BCR: variants seen among roughly 807,000 people sequenced by gnomAD.
The protein encoded by BCR is BCR activator of RhoGEF and GTPase.
Under a neutral mutation model 138.6 loss-of-function variants are expected in BCR, and 58 were observed. That is an observed-to-expected ratio of 0.42 (90% CI 0.34 to 0.52). The LOEUF (loss-of-function observed/expected upper bound fraction) is 0.52. Ranked by LOEUF, BCR falls within the 20% of genes least tolerant of loss-of-function variation. BCR has a pLI of 0.06. For missense variants in BCR, 1,599 were observed against 1,727.2 expected (o/e 0.93, Z 1.32); for synonymous variants, 786 against 730.1 (o/e 1.08, Z -1.23).
chr22:23,203,941 T>A (rs929483723), intron 1 of BCR, among the ~76,000 whole-genome samples: 1 of 152,200 alleles, frequency 6.6e-6, no homozygotes, highest in Non-Finnish European at 1.5e-5. Context: ...CTTGCATGGC[T>A]GCACTTGGCT....
intron 1 of BCR, among the ~76,000 whole-genome samples, chr22:23,220,257 T>C (rs112020516): frequency 0.036 from 5,520 of 152,280 alleles, 340 homozygotes; most frequent in African/African-American, 0.12. Flanking sequence ...TACACTGAAG[T>C]TTCACCTACC....
At chr22:23,182,285 G>A (rs930105176) in intron 1 of BCR, 46 bp downstream of exon 1, 1 of 1,483,028 alleles carries the variant, frequency 6.7e-7, no homozygotes, top group Non-Finnish European at 9.0e-7. Context: ...CACGGGGGAG[G>A]AAAACCATAG....
intron 16 of BCR, among the ~76,000 whole-genome samples, chr22:23,304,184 C>T (rs1232846648): frequency 7.4e-5 from 11 of 149,330 alleles, no homozygotes; most frequent in African/African-American, 2.7e-4. Context: ...AAGTGATCCT[C>T]CTGCCTTGGC....
At chr22:23,191,354 G>A (rs572699865) in intron 1 of BCR, among the ~76,000 whole-genome samples, 1 of 152,298 alleles carries the variant, frequency 6.6e-6, no homozygotes, top group East Asian at 1.9e-4. Flanking sequence ...GGTATTTATT[G>A]AGCATCTACT....
At chr22:23,262,925 A>T in intron 4 of BCR, 1 of 1,097,956 alleles carries the variant, frequency 9.1e-7, no homozygotes, top group African/African-American at 1.7e-5. Context: ...CAAGAGAGGA[A>T]GCAGAGGGAG....
chr22:23,226,325 A>AGT (rs1262546204), intron 1 of BCR, among the ~76,000 whole-genome samples: 17 of 50,362 alleles, frequency 3.4e-4, no homozygotes, highest in Admixed American at 1.0e-3. Flanking sequence ...AGAGAGAGAG[A>AGT]GAGTGTGTGT....
Position 23,181,077 on chromosome 22 carries a change from G to T in BCR, c.117G>T (p.Lys39Asn). 6.6e-7 allele frequency: 1 copy of T among 1,520,072 alleles called. No individual in the cohort carries two copies. The highest frequency in any genetic ancestry group is 8.9e-7 in the Non-Finnish European group (1 of 1,128,448). 94.2% of individuals were successfully genotyped at this position (1,520,072 alleles called of 1,614,324 possible). A position where few individuals can be genotyped will look rare whatever the true frequency, so the allele number is the denominator to read the frequency against. Residue 39 changes from lysine (K) to asparagine (N), a missense_variant, in exon 1 of 23, where the codon AAG (lysine) becomes AAT (asparagine). Lys to Asn is a moderately conservative substitution (Grantham distance 94). Around this residue, in one of 4 missense-constraint regions of BCR, gnomAD observed 806 missense variants for 635.0 expected, o/e 1.27. Coordinates refer to ENST00000305877, the MANE Select transcript of BCR (RefSeq NM_004327.4). The stretch of plus-strand genomic sequence containing the variant: ...TCGAGCAGGAGCTGGAGCGCTGCAA[G>T]GCCTCCATTCGGCGCCTGGAGCAGG... ...GDIEQELERCKASIRRLEQEV... is the reference protein window; with the variant it reads ...GDIEQELERCNASIRRLEQEV...
chr22:23,187,634 T>G (rs1232936214), intron 1 of BCR, among the ~76,000 whole-genome samples: 1 of 151,916 alleles, frequency 6.6e-6, no homozygotes, highest in Non-Finnish European at 1.5e-5. Flanking sequence ...ACACCCAGCC[T>G]CCTCCTTTTT....
rs2146190727 is a variant in BCR at position 23,182,389 on chromosome 22, G to T, written c.1279+150G>T. 4.3e-6 allele frequency: 4 copies of T among 933,432 alleles called. No homozygotes were observed. In the East Asian group the frequency reaches 1.1e-4, roughly 25 times the overall value. 57.8% of individuals were successfully genotyped at this position (933,432 alleles called of 1,614,324 possible). ...TGTGGTTCACGCGGATCCTGCACCC[G>T]AACAAACTCCATCCCCTCCTCCTTC... On this transcript the variant is annotated intron_variant, in intron 1 of 22. Coordinates refer to ENST00000305877, the MANE Select transcript of BCR (RefSeq NM_004327.4).
chr22:23,310,402 G>T lies in BCR; in HGVS notation c.3151G>T (p.Val1051Phe). The change falls in exon 18 of 23, where the codon GTC becomes TTC. Residue 1051 changes from valine to phenylalanine, a missense_variant. This residue lies in a region of BCR where 26 missense variants were observed against 103.5 expected (regional missense o/e 0.25). Transcript: ENST00000305877. ...KRMPSRKQTG[V>F]FGVKIAVVTK... is the part of the protein sequence containing the mutation. ...GATGCCGTCCCGAAAACAGACAGGG[G>T]TCTTCGGAGTCAAGATTGCTGTGGT... The T allele has an allele frequency of 7.8e-7, 1 of 1,289,998 alleles. No homozygotes were observed. The highest frequency in any genetic ancestry group is 1.1e-6 in the Non-Finnish European group (1 of 889,974). The allele number at this position is 1,289,998 out of a possible 1,614,324, so 79.9% of individuals were successfully genotyped here. A position where few individuals can be genotyped will look rare whatever the true frequency, so the allele number is the denominator to read the frequency against.
chr22:23,297,213 TGTTTTTTG>T (rs1568979568), intron 16 of BCR, among the ~76,000 whole-genome samples: 2,654 of 116,172 alleles, frequency 0.023, 193 homozygotes, highest in African/African-American at 0.081. Context: ...AGTTGTTTTT[TGTTTTTTG>T]TTTTTTTTTT....
chr22:23,213,907 G>A (rs1483251597), intron 1 of BCR, among the ~76,000 whole-genome samples: 2 of 152,038 alleles, frequency 1.3e-5, no homozygotes, highest in East Asian at 3.9e-4. Context: ...AGGCAGAGAT[G>A]CGAGATTCCA....
intron 1 of BCR, among the ~76,000 whole-genome samples, chr22:23,224,552 C>T (rs12157592): frequency 1.3e-3 from 201 of 152,338 alleles, no homozygotes; most frequent in African/African-American, 4.0e-3. Context: ...TGCCCAGAGA[C>T]GCTGGCCTCC....
intron 1 of BCR, among the ~76,000 whole-genome samples, chr22:23,214,994 C>T (rs1406559734): frequency 6.6e-6 from 1 of 152,088 alleles, no homozygotes; most frequent in African/African-American, 2.4e-5. Flanking sequence ...CTCTCTACTC[C>T]CTCCTCCCTC....
At chr22:23,283,392 G>T in intron 8 of BCR, 1 of 152,558 alleles carries the variant, frequency 6.6e-6, no homozygotes, top group Non-Finnish European at 1.5e-5. Context: ...CCCTTGCTGT[G>T]ACCTCGAGGG....
rs1286905580 is a variant in BCR, at chr22:23,284,004, A to ATGGTGGAGC, written c.2152_2160dup (p.Leu718_Glu720dup). 1 of 1,601,474 alleles carries ATGGTGGAGC rather than the reference A, an allele frequency of 6.2e-7. No individual in the cohort carries two copies. Among genetic ancestry groups the ATGGTGGAGC allele is most frequent in the Non-Finnish European group, 8.5e-7 (1 of 1,174,330 alleles). ...CCGGCAGCTGCTGAAGGACAGCTTC[A>ATGGTGGAGC]TGGTGGAGCTGGTGGAGGGGGCCCG... On this transcript the variant is annotated inframe_insertion, in exon 9 of 23. Coordinates refer to ENST00000305877, the MANE Select transcript of BCR (RefSeq NM_004327.4).
chr22:23,310,951 G>A (rs1336003460), intron 18 of BCR, among the ~76,000 whole-genome samples: 587 of 144,894 alleles, frequency 4.1e-3, no homozygotes, highest in African/African-American at 0.016. Flanking sequence ...CCAACTGCAC[G>A]GCAGCCACTC....
intron 1 of BCR, among the ~76,000 whole-genome samples, chr22:23,196,948 G>A (rs961104499): frequency 6.6e-6 from 1 of 152,174 alleles, no homozygotes; most frequent in Admixed American, 6.5e-5. Context: ...CTGCCCTTGG[G>A]GATCCCAGAA....
intron 4 of BCR, chr22:23,264,122 GC>G: frequency 1.3e-6 from 2 of 1,521,634 alleles, no homozygotes; most frequent in Non-Finnish European, 9.1e-7. Context: ...AGTGGGAGGA[GC>G]CCCACAACAG....
Sources: gnomAD v4.1 joint callset for allele counts (sites outside exome capture counted in the v4.1 genomes callset) on GRCh38, gnomAD v4.1.1 for gene constraint, gnomAD v4.1.1 regional missense constraint, MANE v1.5 for transcripts, NCBI Gene and HGNC (gene_info 2026-07-23, HGNC 2026-07-21) for gene names.